PRKAG2: variants seen among roughly 807,000 people sequenced by gnomAD.
PRKAG2 encodes protein kinase AMP-activated non-catalytic subunit gamma 2, also known as 5'-AMP-activated protein kinase subunit gamma-2.
Under a neutral mutation model 69.6 loss-of-function variants are expected in PRKAG2, and 26 were observed. That is an observed-to-expected ratio of 0.37 (90% confidence interval 0.27 to 0.52). The LOEUF is 0.52. Among genes scored for constraint, PRKAG2 ranks in the 20% least tolerant of loss-of-function variants. The pLI is 0.90. For missense variants in PRKAG2, 557 were observed against 740.0 expected, an observed-to-expected ratio of 0.75 and a Z score of 2.87; for synonymous variants, 293 against 285.0, an observed-to-expected ratio of 1.03 and a Z score of -0.28.
At chr7:151,742,248 G>A (rs957098292) in intron 3 of PRKAG2, among the ~76,000 whole-genome samples, 55 of 152,288 alleles carry the variant, frequency 3.6e-4, no homozygotes, top group African/African-American at 1.1e-3. Context: ...CCAGAGGACC[G>A]CTGTGGACTG....
chr7:151,576,885 T>A (rs1234443193), intron 6 of PRKAG2, among the ~76,000 whole-genome samples: 1 of 152,358 alleles, frequency 6.6e-6, no homozygotes, highest in East Asian at 1.9e-4. Flanking sequence ...CTAAAAATAA[T>A]GGAATTTATT....
intron 1 of PRKAG2, among the ~76,000 whole-genome samples, chr7:151,844,599 T>C (rs529138107): frequency 1.3e-5 from 2 of 152,286 alleles, no homozygotes; most frequent in African/African-American, 4.8e-5. Flanking sequence ...AGACAATAAC[T>C]CAGTGCCTGG....
At chr7:151,577,349 T>C (rs1809218202) in intron 6 of PRKAG2, among the ~76,000 whole-genome samples, 1 of 152,238 alleles carries the variant, frequency 6.6e-6, no homozygotes, top group Admixed American at 6.5e-5. Flanking sequence ...TACTTGAAGA[T>C]TTATTAATAA....
rs1177966193 is a variant in PRKAG2, at chr7:151,632,708, T to G, written c.685-570A>C. 32 of 663,998 alleles carry G rather than the reference T, an allele frequency of 4.8e-5. No homozygotes were observed. The highest frequency in any genetic ancestry group is 5.8e-5 in the Non-Finnish European group (31 of 536,174). The allele number at this position is 663,998 out of a possible 1,614,324, so 41.1% of individuals were successfully genotyped here. ...TAGGGGATCCTTTCTCGCTTTCCTC[T>G]TCCCTTTCCAAATTTTAGATGTAAC... On this transcript the variant is annotated intron_variant, in intron 4 of 15. Coordinates refer to ENST00000287878, the MANE Select transcript of PRKAG2 (RefSeq NM_016203.4). The surrounding 1 kb of genome is among the most constrained non-coding windows in gnomAD (Gnocchi z 4.2).
At chr7:151,631,995 G>GT in intron 5 of PRKAG2, 74 bp downstream of exon 5, 4 of 1,154,696 alleles carry the variant, frequency 3.5e-6, no homozygotes, top group Non-Finnish European at 3.2e-6. Flanking sequence ...GGGGCGCGGG[G>GT]TCCCCGCGGG....
intron 1 of PRKAG2, among the ~76,000 whole-genome samples, chr7:151,826,818 T>C (rs2078913338): frequency 6.6e-6 from 1 of 152,214 alleles, no homozygotes; most frequent in Non-Finnish European, 1.5e-5. Flanking sequence ...TAAAACACCA[T>C]TGCAATTCCA....
chr7:151,752,395 C>T (rs1238963899), intron 3 of PRKAG2, among the ~76,000 whole-genome samples: 1 of 152,040 alleles, frequency 6.6e-6, no homozygotes, highest in East Asian at 1.9e-4. Flanking sequence ...ACACTGGGGG[C>T]TACTTAAGAG....
intron 1 of PRKAG2, among the ~76,000 whole-genome samples, chr7:151,791,314 G>A (rs919863499): frequency 2.6e-5 from 4 of 152,168 alleles, no homozygotes; most frequent in Admixed American, 6.5e-5. Context: ...CTGGTGTCTC[G>A]GGTGACATGC....
intron 7 of PRKAG2, among the ~76,000 whole-genome samples, chr7:151,575,796 CAG>C (rs1305283291): frequency 6.9e-6 from 1 of 145,620 alleles, no homozygotes; most frequent in Admixed American, 7.2e-5. Context: ...ATAAGCTCTT[CAG>C]AGAGCCAAAA....
chr7:151,599,161 C>T (rs1333770174), intron 5 of PRKAG2, among the ~76,000 whole-genome samples: 1 of 152,036 alleles, frequency 6.6e-6, no homozygotes, highest in East Asian at 1.9e-4. Context: ...CCCTAACTGA[C>T]AATTTAAACA....
chr7:151,618,501 A>G (rs1236450093), intron 5 of PRKAG2, among the ~76,000 whole-genome samples: 1 of 151,816 alleles, frequency 6.6e-6, no homozygotes, highest in African/African-American at 2.4e-5. Context: ...GTGGTGGCTC[A>G]TGCCTGTAAT....
rs535818189 is a variant in PRKAG2 at position 151,703,845 on chromosome 7, AACACACACACACACACACACACACACAC to A, written c.467-28236_467-28209del. Among the ~76,000 whole-genome samples, 328 of 88,550 alleles carry A rather than the reference AACACACACACACACACACACACACACAC, an allele frequency of 3.7e-3. 2 individuals are homozygous for A. Among genetic ancestry groups the A allele is most frequent in the African/African-American group, 0.012 (254 of 21,680 alleles). 58.1% of individuals were successfully genotyped at this position (88,550 alleles called of 152,430 possible). A position where few individuals can be genotyped will look rare whatever the true frequency, so the allele number is the denominator to read the frequency against. Reference sequence around the variant, plus strand: ...TGGTGAAACCCTGTCTTTACTGGAAAACACACACACACACACACACACACACACACACACACACACACACACACACACA... The same window carrying A: ...TGGTGAAACCCTGTCTTTACTGGAAAACACACACACACACACACACACACA... On this transcript the variant is annotated intron_variant, in intron 3 of 15. Coordinates refer to ENST00000287878, the MANE Select transcript of PRKAG2 (RefSeq NM_016203.4).
At chr7:151,875,993 G>A (rs1378032801) in intron 1 of PRKAG2, among the ~76,000 whole-genome samples, 2 of 151,382 alleles carry the variant, frequency 1.3e-5, no homozygotes, top group East Asian at 2.0e-4. Context: ...AAACTGGAGC[G>A]GAGGGGGTGC....
intron 3 of PRKAG2, among the ~76,000 whole-genome samples, chr7:151,747,746 A>T (rs2074382761): frequency 6.6e-6 from 1 of 152,084 alleles, no homozygotes; most frequent in African/African-American, 2.4e-5. Flanking sequence ...ACAAAAAACA[A>T]AAGTCATTCT....
At chr7:151,625,650 C>T (rs1254732596) in intron 5 of PRKAG2, among the ~76,000 whole-genome samples, 5 of 152,124 alleles carry the variant, frequency 3.3e-5, no homozygotes, top group African/African-American at 4.8e-5. Context: ...GTGAACAAGC[C>T]GGAAGCAGCA....
chr7:151,608,636 A>C (rs1411840270), intron 5 of PRKAG2, among the ~76,000 whole-genome samples: 1 of 152,204 alleles, frequency 6.6e-6, no homozygotes, highest in Non-Finnish European at 1.5e-5. Context: ...ATCTGAGATG[A>C]CTATATTGTG....
chr7:151,713,114 C>T (rs1445944852), intron 3 of PRKAG2, among the ~76,000 whole-genome samples: 1 of 152,132 alleles, frequency 6.6e-6, no homozygotes, highest in Non-Finnish European at 1.5e-5. Context: ...CAAATCGAGG[C>T]AGAGGGACGG....
intron 3 of PRKAG2, among the ~76,000 whole-genome samples, chr7:151,715,844 C>A (rs1042945837): frequency 3.9e-5 from 6 of 151,974 alleles, no homozygotes; most frequent in Admixed American, 2.6e-4. Flanking sequence ...GAGGGCGGGG[C>A]GGGGCAAGGA....
chr7:151,557,806 G>T (rs1804079023), intron 15 of PRKAG2: 1 of 696,846 alleles, frequency 1.4e-6, no homozygotes, highest in Admixed American at 6.3e-5. Flanking sequence ...GGAGGTGGAG[G>T]TTGCAGTGAG....
Sources: allele counts gnomAD v4.1 joint callset (sites outside exome capture counted in the v4.1 genomes callset), GRCh38; gene constraint gnomAD v4.1.1; non-coding constraint Gnocchi (gnomAD v3.1); transcripts MANE v1.5; gene names NCBI Gene and HGNC (gene_info 2026-07-23, HGNC 2026-07-21).